MCTP1: variants seen among roughly 807,000 people sequenced by gnomAD.
MCTP1 encodes the protein multiple C2 and transmembrane domain containing 1.
In MCTP1, 69 loss-of-function variants were observed where a neutral mutation model predicts 120.6. The ratio of observed to expected loss-of-function variants is 0.57; its 90% CI spans 0.47 to 0.70. MCTP1 has a LOEUF of 0.70. Among genes scored for constraint, MCTP1 ranks in the 30% least tolerant of loss-of-function variants. The pLI, the probability that MCTP1 is intolerant of heterozygous loss-of-function variation, is 0.00. For synonymous variants in MCTP1, 529 were observed against 493.1 expected (o/e 1.07, Z -0.96); for missense variants, 1,203 against 1,248.8 (o/e 0.96, Z 0.55).
chr5:95,153,063 G>T (rs1744713775), intron 1 of MCTP1, among the ~76,000 whole-genome samples: 1 of 152,108 alleles, frequency 6.6e-6, no homozygotes, highest in Non-Finnish European at 1.5e-5. Context: ...AATCATTATT[G>T]ATATGCTTTG....
chr5:94,943,819 G>T lies in MCTP1; in HGVS notation c.982-1392C>A, dbSNP rs77784881. 1.4e-3 allele frequency among the ~76,000 whole-genome samples: 211 copies of T among 152,144 alleles called. 3 individuals are homozygous for T. Among genetic ancestry groups the T allele is most frequent in the African/African-American group, 4.9e-3 (205 of 41,544 alleles). The stretch of plus-strand genomic sequence containing the variant: ...ACGCTACCAGATGAAATTTAGAGCT[G>T]TCACTTCCTGACCTTTTCAGGTAGA... On this transcript the variant is annotated intron_variant, in intron 3 of 22. Transcript: ENST00000515393.
chr5:94,901,848 G>A (rs1282016950), intron 10 of MCTP1, among the ~76,000 whole-genome samples: 3 of 152,110 alleles, frequency 2.0e-5, no homozygotes, highest in African/African-American at 7.2e-5. Flanking sequence ...TATGAGTCCC[G>A]TGGGGGTACA....
intron 1 of MCTP1, among the ~76,000 whole-genome samples, chr5:95,071,859 G>A (rs1752240726): frequency 6.6e-6 from 1 of 152,234 alleles, no homozygotes; most frequent in African/African-American, 2.4e-5. Flanking sequence ...GTTAAAATCT[G>A]GCAATCATAT....
At chr5:95,228,596 T>C (rs1754562126) in intron 1 of MCTP1, among the ~76,000 whole-genome samples, 1 of 152,038 alleles carries the variant, frequency 6.6e-6, no homozygotes, top group Non-Finnish European at 1.5e-5. Context: ...AATTAGTAGA[T>C]AATATGGTTT....
intron 1 of MCTP1, among the ~76,000 whole-genome samples, chr5:95,047,802 A>G (rs1268987028): frequency 6.6e-6 from 1 of 151,960 alleles, no homozygotes; most frequent in Non-Finnish European, 1.5e-5. Flanking sequence ...TTTTCCATCC[A>G]TCTACACACC....
chr5:95,175,581 A>C (rs538834384), intron 1 of MCTP1, among the ~76,000 whole-genome samples: 1 of 152,224 alleles, frequency 6.6e-6, no homozygotes, highest in Non-Finnish European at 1.5e-5. Flanking sequence ...CCTGACTCCC[A>C]TAACAGAAAA....
At chr5:94,842,550 T>G (rs1246385444) in intron 17 of MCTP1, among the ~76,000 whole-genome samples, 1 of 152,200 alleles carries the variant, frequency 6.6e-6, no homozygotes, top group Non-Finnish European at 1.5e-5. Context: ...TAGTAATATG[T>G]TTGGGGAAAA....
At chr5:95,072,815 G>A (rs546429489) in intron 1 of MCTP1, among the ~76,000 whole-genome samples, 17 of 130,614 alleles carry the variant, frequency 1.3e-4, no homozygotes, top group Admixed American at 3.0e-4. Flanking sequence ...GCGAGATCTC[G>A]GCTCACTGCA....
At chr5:95,027,756 T>G (rs552442472) in intron 1 of MCTP1, among the ~76,000 whole-genome samples, 29 of 152,340 alleles carry the variant, frequency 1.9e-4, no homozygotes, top group African/African-American at 5.3e-4. Flanking sequence ...TGGTTCCTGC[T>G]GACCTTCTTA....
intron 19 of MCTP1, among the ~76,000 whole-genome samples, chr5:94,776,067 C>A (rs1356115545): frequency 6.6e-6 from 1 of 151,280 alleles, no homozygotes; most frequent in South Asian, 2.1e-4. Flanking sequence ...TAACCAAAGT[C>A]TTCCCTGGTG....
chr5:94,860,900 C>T (rs1242085053), intron 17 of MCTP1, among the ~76,000 whole-genome samples: 2 of 151,482 alleles, frequency 1.3e-5, no homozygotes, highest in African/African-American at 4.8e-5. Context: ...TAGAGAAACA[C>T]TGATTTAAGA....
intron 1 of MCTP1, among the ~76,000 whole-genome samples, chr5:95,126,970 C>T (rs979724232): frequency 5.3e-5 from 8 of 152,096 alleles, no homozygotes; most frequent in African/African-American, 9.7e-5. Flanking sequence ...TTTTCTTTAA[C>T]GATTCCCTTG....
At chr5:95,258,701 T>C (rs1437143936) in intron 1 of MCTP1, among the ~76,000 whole-genome samples, 1 of 152,198 alleles carries the variant, frequency 6.6e-6, no homozygotes, top group African/African-American at 2.4e-5. Context: ...TTTCTTTAAA[T>C]ATAAAACTGT....
intron 5 of MCTP1, among the ~76,000 whole-genome samples, chr5:94,932,213 TAAAAAAAAAAAAAA>T (rs368203326): frequency 5.2e-5 from 5 of 95,846 alleles, no homozygotes; most frequent in Non-Finnish European, 1.0e-4. Context: ...TATTCCTTTG[TAAAAAAAAAAAAAA>T]AAAAAAAAAA....
At chr5:94,977,204 A>G (rs1828314694) in intron 2 of MCTP1, among the ~76,000 whole-genome samples, 1 of 152,166 alleles carries the variant, frequency 6.6e-6, no homozygotes, top group African/African-American at 2.4e-5. Context: ...AAATGAAGAA[A>G]AAGAATTGTG....
At chr5:94,876,358 G>A (rs1227962988) in intron 12 of MCTP1, among the ~76,000 whole-genome samples, 3 of 151,952 alleles carry the variant, frequency 2.0e-5, no homozygotes, top group Non-Finnish European at 2.9e-5. Context: ...TGGGTTGTGG[G>A]GTTGATTCTA....
chr5:95,284,045 G>T lies in MCTP1; in HGVS notation c.531C>A (p.Asp177Glu), dbSNP rs1760547664. Residue 177 changes from aspartate (D) to glutamate (E), a missense_variant, in exon 1 of 23, where the codon GAC (aspartate) becomes GAA (glutamate). Asp to Glu is a conservative substitution (Grantham distance 45). Around this residue, in one of 2 missense-constraint regions of MCTP1, gnomAD observed 463 missense variants for 377.8 expected, o/e 1.23. Transcript: ENST00000515393. The surrounding 1 kb of genome is among the most constrained non-coding windows in gnomAD (Gnocchi z 5.2). ...SSSPQPPPRG[D>E]RARDEGARRQ... is the part of the protein sequence containing the mutation. ...GCCGTGCACCCTCATCTCGGGCGCGGTCCCCCCTCGGGGGAGGCTGGGGCG... is the reference window on the plus strand; with the variant it reads ...GCCGTGCACCCTCATCTCGGGCGCGTTCCCCCCTCGGGGGAGGCTGGGGCG... 6.6e-7 allele frequency: 1 copy of T among 1,523,324 alleles called. No individual in the cohort carries two copies. The allele number at this position is 1,523,324 out of a possible 1,614,324, so 94.4% of individuals were successfully genotyped here. A position where few individuals can be genotyped will look rare whatever the true frequency, so the allele number is the denominator to read the frequency against.
At chr5:94,932,108 C>T (rs1814843190) in intron 5 of MCTP1, 117 bp from the exon 6 acceptor site, 3 of 605,634 alleles carry the variant, frequency 5.0e-6, no homozygotes. Context: ...GTTCCTGCAG[C>T]AATTATACAA....
chr5:95,003,509 A>G (rs1358339911), intron 2 of MCTP1, among the ~76,000 whole-genome samples: 1 of 152,246 alleles, frequency 6.6e-6, no homozygotes, highest in Non-Finnish European at 1.5e-5. Context: ...CCTGTCATTA[A>G]GCAATGCATG....
Sources: gnomAD v4.1 joint callset for allele counts (sites outside exome capture counted in the v4.1 genomes callset) on GRCh38, gnomAD v4.1.1 for gene constraint, gnomAD v4.1.1 regional missense constraint, Gnocchi (gnomAD v3.1) non-coding constraint, MANE v1.5 for transcripts, NCBI Gene and HGNC (gene_info 2026-07-23, HGNC 2026-07-21) for gene names.